Variants in SPTB observed in about 807,000 individuals in gnomAD.
SPTB encodes the protein spectrin beta chain, erythrocytic.
A neutral mutation model predicts 256.2 loss-of-function variants in SPTB; 45 were observed. The observed-to-expected ratio is 0.18, with a 90% CI of 0.14 to 0.23. The LOEUF is 0.23. Ranked by LOEUF, SPTB falls within the 10% of genes least tolerant of loss-of-function variation. SPTB has a pLI of 1.00. For synonymous variants in SPTB, 1,231 were observed against 1,243.1 expected (o/e 0.99, Z 0.21); for missense variants, 2,715 against 3,040.4 (o/e 0.89, Z 2.52).
At chr14:64,754,392 T>G (rs911650878) in intron 32 of SPTB, 1 of 167,696 alleles carries the variant, frequency 6.0e-6, no homozygotes, top group Non-Finnish European at 1.3e-5. Flanking sequence ...AACAGGTCCT[T>G]TCTCCATCAT....
rs1380499772 is a variant in SPTB, at chr14:64,778,953, C to T, written c.4563+204G>A. ...CCAACTACCTCCCCTCCTCTGTGAT[C>T]CTCCCAGAATTTGCTCTGTAATCAC... is the stretch of plus-strand genomic sequence containing the variant. On this transcript the variant is annotated intron_variant, in intron 22 of 35. Coordinates refer to ENST00000644917, the MANE Select transcript of SPTB (RefSeq NM_001355436.2). This position sits in a 1 kb window ranked among gnomAD's most constrained non-coding sequence, Gnocchi z 5.2. Among the ~76,000 whole-genome samples the T allele has an allele frequency of 1.3e-5, 2 of 152,140 alleles. No individual in the cohort carries two copies. Among genetic ancestry groups the T allele is most frequent in the African/African-American group, 4.8e-5 (2 of 41,422 alleles).
At position 64,753,776 on chromosome 14, in the gene SPTB, C is replaced by T. The variant is rs755875675; in HGVS notation, c.6363G>A (p.Thr2121=). 20 of 1,613,204 alleles carry T rather than the reference C, an allele frequency of 1.2e-5. No individual in the cohort carries two copies. Among genetic ancestry groups the T allele is most frequent in the Middle Eastern group, 1.6e-4 (1 of 6,084 alleles). Residue 2121 remains threonine, a synonymous_variant, in exon 33 of 36, where the codon ACG becomes ACA. Transcript: ENST00000644917. ...ERTSPGEEEG[T]WPQNLQQPPP... Reference sequence around the variant, plus strand: ...GTGGCTGCTGCAGGTTCTGAGGCCACGTTCCCTCTTCTTCCCCCTGCTCAG... The same window carrying T: ...GTGGCTGCTGCAGGTTCTGAGGCCATGTTCCCTCTTCTTCCCCCTGCTCAG...
At position 64,759,183 on chromosome 14, in the gene SPTB, C is replaced by T. The variant is rs1186025774; in HGVS notation, c.6346-5390G>A. On this transcript the variant is annotated intron_variant, in intron 32 of 35. Coordinates refer to ENST00000644917, the MANE Select transcript of SPTB (RefSeq NM_001355436.2). The surrounding 1 kb of genome is among the most constrained non-coding windows in gnomAD (Gnocchi z 4.8). Reference sequence around the variant, plus strand: ...AGAATCCATGGCCCTGCTTCCTATCCACACAATGCCTCTGAAATCGGAAAG... The same window carrying T: ...AGAATCCATGGCCCTGCTTCCTATCTACACAATGCCTCTGAAATCGGAAAG... 6.6e-6 allele frequency among the ~76,000 whole-genome samples: 1 copy of T among 152,196 alleles called. No homozygotes were observed. Among genetic ancestry groups the T allele is most frequent in the Admixed American group, 6.5e-5 (1 of 15,290 alleles).
At position 64,811,168 on chromosome 14, in the gene SPTB, A is replaced by G. The variant is rs118045900; in HGVS notation, c.149-6078T>C. Among the ~76,000 whole-genome samples, 437 of 152,342 alleles carry G rather than the reference A, an allele frequency of 2.9e-3. 1 individual carries two copies. Among genetic ancestry groups the G allele is most frequent in the Admixed American group, 4.5e-3 (69 of 15,304 alleles). On this transcript the variant is annotated intron_variant, in intron 2 of 35. Coordinates refer to ENST00000644917, the MANE Select transcript of SPTB (RefSeq NM_001355436.2). ...CATAAGCAAAGTCAAACAAATGAGCAAAAATATATCTAACATACATTATAA... is the reference window on the plus strand; with the variant it reads ...CATAAGCAAAGTCAAACAAATGAGCGAAAATATATCTAACATACATTATAA...
chr14:64,752,551 G>C (rs1021874329), intron 33 of SPTB, among the ~76,000 whole-genome samples: 2 of 152,182 alleles, frequency 1.3e-5, no homozygotes, highest in Admixed American at 6.5e-5. Context: ...CCGAGACTCT[G>C]TTATCCCCTT....
chr14:64,772,705 G>C lies in SPTB; in HGVS notation c.5428C>G (p.Leu1810Val). Residue 1810 changes from leucine (L) to valine (V), a missense_variant, in exon 26 of 36, where the codon CTG becomes GTG. This residue lies in a region of SPTB where 2,239 missense variants were observed against 2,384.4 expected (regional missense o/e 0.94). Transcript: ENST00000644917. This position sits in a 1 kb window ranked among gnomAD's most constrained non-coding sequence, Gnocchi z 5.4. Reference sequence around the variant, plus strand: ...CGGTGCTTCTCGTCGATGAGGCCCAGGATCTCGGCACCCGTGTAGAAGTAG... The same window carrying C: ...CGGTGCTTCTCGTCGATGAGGCCCACGATCTCGGCACCCGTGTAGAAGTAG... ...HRYFYTGAEI[L>V]GLIDEKHREL... 1 of 1,613,910 alleles carries C rather than the reference G, an allele frequency of 6.2e-7. No individual in the cohort carries two copies. Among genetic ancestry groups the C allele is most frequent in the Non-Finnish European group, 8.5e-7 (1 of 1,179,992 alleles).
intron 33 of SPTB, chr14:64,752,244 A>G: frequency 7.4e-7 from 1 of 1,347,858 alleles, no homozygotes; most frequent in Non-Finnish European, 9.8e-7. Context: ...TTCTACAGCA[A>G]CAGACTCTGT....
chr14:64,825,027 A>G lies in SPTB; in HGVS notation c.-51-1882T>C, dbSNP rs2083355331. Among the ~76,000 whole-genome samples the G allele has an allele frequency of 6.6e-6, 1 of 152,122 alleles. No individual in the cohort carries two copies. Among genetic ancestry groups the G allele is most frequent in the South Asian group, 2.1e-4 (1 of 4,830 alleles). ...CAAAGGCCAAACTGGAGCGCAGTTT[A>G]TCCCCCTTGACCAGACGGGTTTCAG... is the stretch of plus-strand genomic sequence containing the variant. On this transcript the variant is annotated intron_variant, in intron 1 of 35. Transcript: ENST00000644917. The surrounding 1 kb of genome is among the most constrained non-coding windows in gnomAD (Gnocchi z 4.8).
Position 64,779,238 on chromosome 14 carries a change from C to T in SPTB, c.4482G>A (p.Val1494=), listed in dbSNP as rs1741488. The change falls in exon 22 of 36, where the codon GTG becomes GTA. Residue 1494 remains valine, a synonymous_variant. Transcript: ENST00000644917. The surrounding 1 kb of genome is among the most constrained non-coding windows in gnomAD (Gnocchi z 4.2). ...ACTGGGCCAGAGGCAGCCTCTCCTC[C>T]ACCCAAAGCTGCAGAGACCAGGAGG... The part of the protein sequence containing the change: ...SRDLEDETLW[V]EERLPLAQSA... 416,634 of 1,604,858 alleles carry T rather than the reference C, an allele frequency of 0.26. 61,948 individuals are homozygous for T. Among genetic ancestry groups the T allele is most frequent in the African/African-American group, 0.62 (46,369 of 74,554 alleles).
intron 1 of SPTB, among the ~76,000 whole-genome samples, chr14:64,858,355 G>T (rs1235687533): frequency 6.6e-6 from 1 of 152,160 alleles, no homozygotes; most frequent in African/African-American, 2.4e-5. Context: ...GAAAGCAGTA[G>T]ATTTAATACA....
chr14:64,854,749 C>A (rs1161285763), intron 1 of SPTB, among the ~76,000 whole-genome samples: 1 of 152,184 alleles, frequency 6.6e-6, no homozygotes, highest in Non-Finnish European at 1.5e-5. Flanking sequence ...TACACCCCAT[C>A]CCATCCTCCA....
intron 28 of SPTB, among the ~76,000 whole-genome samples, chr14:64,769,361 C>T (rs7141792): frequency 6.6e-6 from 1 of 152,080 alleles, no homozygotes; most frequent in Non-Finnish European, 1.5e-5. Context: ...GGTGTTAGGC[C>T]GGTTATGAGG....
At chr14:64,810,483 C>G (rs1409729209) in intron 2 of SPTB, among the ~76,000 whole-genome samples, 7 of 152,142 alleles carry the variant, frequency 4.6e-5, no homozygotes, top group Non-Finnish European at 8.8e-5. Flanking sequence ...AGTTCGAGAT[C>G]AGCCTGGCCA....
rs1172366343 is a variant in SPTB at position 64,841,909 on chromosome 14, G to A, written c.-51-18764C>T. Among the ~76,000 whole-genome samples, 6 of 152,186 alleles carry A rather than the reference G, an allele frequency of 3.9e-5. No individual in the cohort carries two copies. Among genetic ancestry groups the A allele is most frequent in the South Asian group, 2.1e-4 (1 of 4,830 alleles). ...TCTCCTCATATCTGTTAAAGAGCGC[G>A]GCAAATGTTATCTGGAAGCAGCCGG... On this transcript the variant is annotated intron_variant, in intron 1 of 35. Coordinates refer to ENST00000644917, the MANE Select transcript of SPTB (RefSeq NM_001355436.2). This position sits in a 1 kb window ranked among gnomAD's most constrained non-coding sequence, Gnocchi z 4.6.
rs2081910553 is a variant in SPTB, at chr14:64,749,576, G to T, written c.6819+78C>A. On this transcript the variant is annotated intron_variant, in intron 35 of 35. Transcript: ENST00000644917. The surrounding 1 kb of genome is among the most constrained non-coding windows in gnomAD (Gnocchi z 4.7). ...CTCTTGGGACTGCCCCTTCTGAGGG[G>T]GCCTCCAGGGCAAGCGGCCTGGGGT... 3 of 1,607,230 alleles carry T rather than the reference G, an allele frequency of 1.9e-6. No individual in the cohort carries two copies. The highest frequency in any genetic ancestry group is 1.7e-6 in the Non-Finnish European group (2 of 1,179,154).
chr14:64,784,733 C>G (rs17180385), intron 18 of SPTB, among the ~76,000 whole-genome samples: 12,264 of 152,254 alleles, frequency 0.081, 559 homozygotes, highest in Middle Eastern at 0.1. Context: ...GTGGATAAAT[C>G]CGTCCTTTGG....
rs1260572980 is a variant in SPTB at position 64,853,756 on chromosome 14, C to T, written c.-52+26036G>A. 6.6e-6 allele frequency among the ~76,000 whole-genome samples: 1 copy of T among 152,196 alleles called. No individual in the cohort carries two copies. Among genetic ancestry groups the T allele is most frequent in the Non-Finnish European group, 1.5e-5 (1 of 68,028 alleles). On this transcript the variant is annotated intron_variant, in intron 1 of 35. Transcript: ENST00000644917. The surrounding 1 kb of genome is among the most constrained non-coding windows in gnomAD (Gnocchi z 4.3). ...AAGAGAGAGGGAAGGATTGAAGATG[C>T]AGATGTTCTGTGCAGCCCTGAAGTG...
intron 1 of SPTB, among the ~76,000 whole-genome samples, chr14:64,871,823 T>C (rs1349936746): frequency 6.6e-6 from 1 of 152,232 alleles, no homozygotes; most frequent in Non-Finnish European, 1.5e-5. Context: ...ATGAGTTTAT[T>C]TTATAATTTA....
intron 24 of SPTB, among the ~76,000 whole-genome samples, chr14:64,773,738 G>A (rs34494653): frequency 0.055 from 8,304 of 152,238 alleles, 358 homozygotes; most frequent in African/African-American, 0.12. Flanking sequence ...AGAGAGGCTG[G>A]GGGAGCAGCA....
Sources: gnomAD v4.1 joint callset for allele counts (sites outside exome capture counted in the v4.1 genomes callset) on GRCh38, gnomAD v4.1.1 for gene constraint, gnomAD v4.1.1 regional missense constraint, Gnocchi (gnomAD v3.1) non-coding constraint, MANE v1.5 for transcripts, NCBI Gene and HGNC (gene_info 2026-07-23, HGNC 2026-07-21) for gene names.